Variants in PPP1R17 observed in about 807,000 individuals in gnomAD.
PPP1R17 encodes the protein G-substrate.
In PPP1R17, 12 loss-of-function variants were observed where a neutral mutation model predicts 15.9. That is an observed-to-expected ratio of 0.75 (90% CI 0.48 to 1.22). The LOEUF (loss-of-function observed/expected upper bound fraction) is 1.22, where lower values mean the gene tolerates loss of function less well. PPP1R17 is among the 50% of genes most tolerant of loss of function. The pLI, the probability that PPP1R17 is intolerant of heterozygous loss-of-function variation, is 0.00. For synonymous variants in PPP1R17, 63 were observed against 64.5 expected, an observed-to-expected ratio of 0.98 and a Z score of 0.11; for missense variants, 211 against 187.3, an observed-to-expected ratio of 1.13 and a Z score of -0.74.
Position 31,708,111 on chromosome 7 carries a change from G to A in PPP1R17, c.*828G>A, listed in dbSNP as rs1197611765. 6.6e-6 allele frequency: 1 copy of A among 152,174 alleles called. No homozygotes were observed. Among genetic ancestry groups the A allele is most frequent in the Admixed American group, 6.5e-5 (1 of 15,272 alleles). 9.4% of individuals were successfully genotyped at this position (152,174 alleles called of 1,614,324 possible). On this transcript the variant is annotated 3_prime_UTR_variant, in exon 5 of 5. Transcript: ENST00000342032. ...AATGAAAGCCATTCTGTTATTTTTA[G>A]CATTCTCACTTATTTAGACTCTATT...
Position 31,696,950 on chromosome 7 carries a change from C to T in PPP1R17, c.236-15C>T, listed in dbSNP as rs775781887. On this transcript the variant is annotated splice_polypyrimidine_tract_variant and intron_variant, in intron 3 of 4. Coordinates refer to ENST00000342032, the MANE Select transcript of PPP1R17 (RefSeq NM_006658.5). ...ATTTGATCCTGTTTCTCTCTGTGTTCCCCTAACCATGCAGGTGTGTTTTCA... is the reference window on the plus strand; with the variant it reads ...ATTTGATCCTGTTTCTCTCTGTGTTTCCCTAACCATGCAGGTGTGTTTTCA... The T allele has an allele frequency of 3.1e-6, 5 of 1,612,814 alleles. No individual in the cohort carries two copies. The South Asian group carries it at 4.4e-5, about 14-fold the overall frequency.
At chr7:31,697,678 A>G (rs573220366) in intron 4 of PPP1R17, among the ~76,000 whole-genome samples, 1 of 152,324 alleles carries the variant, frequency 6.6e-6, no homozygotes, top group South Asian at 2.1e-4. Context: ...ACGTATATTC[A>G]TGGCTAGAGT....
intron 4 of PPP1R17, among the ~76,000 whole-genome samples, chr7:31,705,228 C>G (rs1183418838): frequency 6.6e-6 from 1 of 152,050 alleles, no homozygotes; most frequent in Non-Finnish European, 1.5e-5. Flanking sequence ...GGAGCAGATT[C>G]TCATATGATT....
At chr7:31,699,066 T>C (rs1287212278) in intron 4 of PPP1R17, among the ~76,000 whole-genome samples, 1 of 152,168 alleles carries the variant, frequency 6.6e-6, no homozygotes, top group Non-Finnish European at 1.5e-5. Flanking sequence ...ATATTCTAGG[T>C]GGGAGAGATA....
chr7:31,700,903 C>A (rs1792820701), intron 4 of PPP1R17, among the ~76,000 whole-genome samples: 1 of 151,852 alleles, frequency 6.6e-6, no homozygotes, highest in Non-Finnish European at 1.5e-5. Flanking sequence ...CCTACTGCTC[C>A]AAAAAAAGAC....
At chr7:31,705,576 G>A (rs1326460164) in intron 4 of PPP1R17, among the ~76,000 whole-genome samples, 4 of 152,210 alleles carry the variant, frequency 2.6e-5, no homozygotes, top group Non-Finnish European at 5.9e-5. Flanking sequence ...AAGAACCCAT[G>A]TGAACAAACT....
chr7:31,699,881 C>T (rs919895654), intron 4 of PPP1R17, among the ~76,000 whole-genome samples: 1 of 151,942 alleles, frequency 6.6e-6, no homozygotes, highest in Non-Finnish European at 1.5e-5. Flanking sequence ...CCACAGACCT[C>T]GCCCATATAA....
chr7:31,689,166 G>A (rs1258858893), intron 1 of PPP1R17, among the ~76,000 whole-genome samples: 1 of 152,188 alleles, frequency 6.6e-6, no homozygotes, highest in East Asian at 1.9e-4. Flanking sequence ...ATATTGCAAT[G>A]ACAGTGGCAG....
At chr7:31,688,187 C>T (rs1792186137) in intron 1 of PPP1R17, among the ~76,000 whole-genome samples, 2 of 152,170 alleles carry the variant, frequency 1.3e-5, no homozygotes, top group Admixed American at 1.3e-4. Context: ...ATGGGTAATA[C>T]TCTCAACAAC....
At chr7:31,698,338 G>T (rs752431121) in intron 4 of PPP1R17, among the ~76,000 whole-genome samples, 2 of 152,142 alleles carry the variant, frequency 1.3e-5, no homozygotes, top group South Asian at 2.1e-4. Flanking sequence ...TTCTGTCCTT[G>T]TTCCTCCACC....
intron 2 of PPP1R17, 92 bp downstream of exon 2, chr7:31,692,615 AC>A (rs766956699): frequency 1.3e-4 from 154 of 1,153,778 alleles, no homozygotes; most frequent in Admixed American, 5.0e-4. Context: ...GAGAGAGGGC[AC>A]CCCCCGAAAC....
At chr7:31,693,363 T>G (rs1005185507) in intron 2 of PPP1R17, among the ~76,000 whole-genome samples, 1 of 152,186 alleles carries the variant, frequency 6.6e-6, no homozygotes, top group African/African-American at 2.4e-5. Flanking sequence ...CACATGACTA[T>G]GGCATGTAAA....
chr7:31,695,274 T>G (rs1792530509), intron 2 of PPP1R17, among the ~76,000 whole-genome samples, 195 bp from the exon 3 acceptor site: 1 of 152,192 alleles, frequency 6.6e-6, no homozygotes, highest in South Asian at 2.1e-4. Context: ...GCATTCTAGT[T>G]TTCGATTTTG....
At chr7:31,689,630 T>A (rs564760943) in intron 1 of PPP1R17, among the ~76,000 whole-genome samples, 29 of 152,182 alleles carry the variant, frequency 1.9e-4, no homozygotes, top group Admixed American at 1.1e-3. Flanking sequence ...TCACTGAGGA[T>A]AGAAATGGAG....
chr7:31,698,858 G>A (rs1488304964), intron 4 of PPP1R17, among the ~76,000 whole-genome samples: 1 of 152,192 alleles, frequency 6.6e-6, no homozygotes, highest in Non-Finnish European at 1.5e-5. Flanking sequence ...TCAGGAAAAT[G>A]TGGGTGTGTC....
intron 2 of PPP1R17, among the ~76,000 whole-genome samples, chr7:31,693,530 G>T (rs1170314074): frequency 6.6e-6 from 1 of 152,170 alleles, no homozygotes; most frequent in East Asian, 1.9e-4. Flanking sequence ...GGCTTTCTGA[G>T]CCTCAGTTTC....
At chr7:31,690,154 G>GT (rs1470538855) in intron 1 of PPP1R17, among the ~76,000 whole-genome samples, 1 of 152,194 alleles carries the variant, frequency 6.6e-6, no homozygotes, top group African/African-American at 2.4e-5. Context: ...TGGACCTCCC[G>GT]TGGCTAAGCA....
At chr7:31,691,074 T>A (rs1792320396) in intron 1 of PPP1R17, among the ~76,000 whole-genome samples, 1 of 151,922 alleles carries the variant, frequency 6.6e-6, no homozygotes, top group African/African-American at 2.4e-5. Flanking sequence ...TCGCAGGGAG[T>A]TGGCAATCTC....
rs137866571 is a variant in PPP1R17 at position 31,707,578 on chromosome 7, G to T, written c.*295G>T. 7.3e-4 allele frequency: 236 copies of T among 322,214 alleles called. No individual in the cohort carries two copies. The highest frequency in any genetic ancestry group is 4.6e-3 in the African/African-American group (216 of 46,774). 20.0% of individuals were successfully genotyped at this position (322,214 alleles called of 1,614,324 possible). A position where few individuals can be genotyped will look rare whatever the true frequency, so the allele number is the denominator to read the frequency against. ...GGGAAAGCACTGGGGTTCGGTTTCT[G>T]CATCTTCTGGATCAATTCACGGAAC... is the stretch of plus-strand genomic sequence containing the variant. On this transcript the variant is annotated 3_prime_UTR_variant, in exon 5 of 5. Transcript: ENST00000342032.
Sources: gnomAD v4.1 joint callset for allele counts (sites outside exome capture counted in the v4.1 genomes callset) on GRCh38, gnomAD v4.1.1 for gene constraint, MANE v1.5 for transcripts, NCBI Gene and HGNC (gene_info 2026-07-23, HGNC 2026-07-21) for gene names.